NAA11: variants seen among roughly 807,000 people sequenced by gnomAD.
The protein encoded by NAA11 is N-alpha-acetyltransferase 11, NatA catalytic subunit, also known as N-alpha-acetyltransferase 11.
A neutral mutation model predicts 16.1 loss-of-function variants in NAA11; 15 were observed. The ratio of observed to expected loss-of-function variants is 0.93; its 90% confidence interval spans 0.62 to 1.44. The LOEUF is 1.44. Among genes scored for constraint, NAA11 ranks in the 40% most tolerant of loss-of-function variants. The probability of loss-of-function intolerance (pLI) is 0.00; values close to 1 mark genes in which losing one functional copy is unlikely to be tolerated. For missense variants in NAA11, 298 were observed against 291.3 expected, an observed-to-expected ratio of 1.02 and a Z score of -0.17; for synonymous variants, 122 against 112.4, an observed-to-expected ratio of 1.09 and a Z score of -0.54.
At position 79,325,355 on chromosome 4, in the gene NAA11, T is replaced by A; in HGVS notation, c.523A>T (p.Arg175Trp). 1 of 1,614,012 alleles carries A rather than the reference T, an allele frequency of 6.2e-7. No homozygotes were observed. The highest frequency in any genetic ancestry group is 8.5e-7 in the Non-Finnish European group (1 of 1,179,894). The change falls in exon 1 of 2, where the codon AGG (arginine) becomes TGG (tryptophan). Residue 175 changes from arginine to tryptophan, a missense_variant. Arg to Trp is a moderately radical substitution (Grantham distance 101, BLOSUM62 -3). Transcript: ENST00000286794. The part of the protein sequence containing the change: ...KKGGYVVLGS[R>W]ENQETQGSTL... ...CTGCCCTGGGTCTCCTGGTTCTCCC[T>A]GGAGCCCAGGACCACATACCCGCCC...
chr4:79,186,197 A>G, the NAA11 span, among the ~76,000 whole-genome samples: 1 of 152,198 alleles, frequency 6.6e-6, no homozygotes, highest in East Asian at 1.9e-4. Context: ...CCTCCCGAAT[A>G]TACTGAAATT....
Position 79,317,100 on chromosome 4 carries a change from C to T in NAA11, c.*704G>A, listed in dbSNP as rs1723948615. On this transcript the variant is annotated 3_prime_UTR_variant, in exon 2 of 2. Coordinates refer to ENST00000286794, the MANE Select transcript of NAA11 (RefSeq NM_032693.3). ...GCCAAGTGACATAATCACAAAAAAA[C>T]TAACACAAACAAGCACATTAGAGAT... 1 of 152,156 alleles carries T rather than the reference C, an allele frequency of 6.6e-6. No individual in the cohort carries two copies. The highest frequency in any genetic ancestry group is 2.1e-4 in the South Asian group (1 of 4,836). 9.4% of individuals were successfully genotyped at this position (152,156 alleles called of 1,614,324 possible). A position where few individuals can be genotyped will look rare whatever the true frequency, so the allele number is the denominator to read the frequency against.
At position 79,296,923 on chromosome 4, in the gene NAA11, C is replaced by T. The variant is rs149576411; in HGVS notation, c.*13-2809G>A. On this transcript the variant is annotated intron_variant and NMD_transcript_variant, in intron 1 of 2. Coordinates refer to the NAA11 transcript ENST00000511542. ...TCTTCAATGCTTAAATTAATGGCAGCGGCAGACCATCCAGAGCAGCTGCTG... is the reference window on the plus strand; with the variant it reads ...TCTTCAATGCTTAAATTAATGGCAGTGGCAGACCATCCAGAGCAGCTGCTG... Among the ~76,000 whole-genome samples the T allele has an allele frequency of 3.9e-4, 59 of 152,304 alleles. 1 individual carries two copies. In the East Asian group the frequency reaches 7.9e-3, roughly 20 times the overall value.
At chr4:79,256,909 G>T (rs1433815591) in intron 2 of NAA11, among the ~76,000 whole-genome samples, 2 of 151,766 alleles carry the variant, frequency 1.3e-5, no homozygotes, top group African/African-American at 4.8e-5. Flanking sequence ...TAAGTGCTGG[G>T]ATTACAGACA....
the NAA11 span, among the ~76,000 whole-genome samples, chr4:79,209,011 T>C: frequency 6.6e-6 from 1 of 151,422 alleles, no homozygotes; most frequent in Non-Finnish European, 1.5e-5. Context: ...ATAATTTTTT[T>C]CTAATAATAA....
intron 1 of NAA11, among the ~76,000 whole-genome samples, chr4:79,295,973 A>C (rs1035656119): frequency 6.6e-6 from 1 of 152,170 alleles, no homozygotes; most frequent in African/African-American, 2.4e-5. Context: ...GTTTATATTC[A>C]TTCTTGAGCT....
chr4:79,182,841 AATC>A, the NAA11 span, among the ~76,000 whole-genome samples: 1 of 152,102 alleles, frequency 6.6e-6, no homozygotes, highest in African/African-American at 2.4e-5. Flanking sequence ...CCTATACTAT[AATC>A]ATTTTATTCA....
downstream of NAA11, among the ~76,000 whole-genome samples, chr4:79,221,190 T>C (rs1005183294): frequency 9.2e-5 from 14 of 151,808 alleles, no homozygotes; most frequent in African/African-American, 3.4e-4. Flanking sequence ...GTTGTTAGTG[T>C]ATAAGAATGC....
chr4:79,284,878 CAAAAAAAAAAAA>C (rs558413914), intron 2 of NAA11, among the ~76,000 whole-genome samples: 1 of 5,146 alleles, frequency 1.9e-4, no homozygotes, highest in Non-Finnish European at 3.5e-4. Flanking sequence ...GACTCCGTCT[CAAAAAAAAAAAA>C]AAAAAAAAAA....
the NAA11 span, among the ~76,000 whole-genome samples, chr4:79,167,132 T>TATATATATATATATATATATATA: frequency 5.8e-5 from 1 of 17,298 alleles, no homozygotes; most frequent in Non-Finnish European, 1.4e-4. Flanking sequence ...ACAGCTTATT[T>TATATATATATATATATATATATA]TATATATATA....
chr4:79,320,541 C>T (rs1302120025), intron 1 of NAA11, among the ~76,000 whole-genome samples: 1 of 152,126 alleles, frequency 6.6e-6, no homozygotes, highest in Non-Finnish European at 1.5e-5. Context: ...ACATGATTTC[C>T]TCAACCACAA....
intron 2 of NAA11, among the ~76,000 whole-genome samples, chr4:79,289,514 A>G (rs1409330044): frequency 6.6e-6 from 1 of 152,194 alleles, no homozygotes; most frequent in Non-Finnish European, 1.5e-5. Flanking sequence ...TACATCAATT[A>G]TCTCGTTTTT....
chr4:79,268,510 A>G (rs536948053), intron 2 of NAA11, among the ~76,000 whole-genome samples: 1 of 152,232 alleles, frequency 6.6e-6, no homozygotes, highest in South Asian at 2.1e-4. Context: ...GCAGTTTGTG[A>G]GTAAAGAGTC....
chr4:79,304,997 T>G (rs925592369), intron 1 of NAA11: 1 of 152,230 alleles, frequency 6.6e-6, no homozygotes, highest in Non-Finnish European at 1.5e-5. Context: ...CTACCCACCA[T>G]GTCCCACGTG....
the NAA11 span, among the ~76,000 whole-genome samples, chr4:79,197,144 T>C: frequency 6.6e-6 from 1 of 151,952 alleles, no homozygotes; most frequent in African/African-American, 2.4e-5. Context: ...TTGTGGTAAT[T>C]TGTTACCATA....
At chr4:79,279,686 G>T (rs928316037) in intron 2 of NAA11, among the ~76,000 whole-genome samples, 1 of 152,032 alleles carries the variant, frequency 6.6e-6, no homozygotes, top group Admixed American at 6.6e-5. Flanking sequence ...AGAATATTTT[G>T]GTGAAATGAC....
chr4:79,203,645 T>C, the NAA11 span, among the ~76,000 whole-genome samples: 1 of 151,236 alleles, frequency 6.6e-6, no homozygotes, highest in Non-Finnish European at 1.5e-5. Flanking sequence ...ACACTAACTA[T>C]GGCACCTCTT....
intron 1 of NAA11, among the ~76,000 whole-genome samples, chr4:79,322,626 GA>G (rs1267033086): frequency 6.6e-6 from 1 of 152,050 alleles, no homozygotes; most frequent in East Asian, 1.9e-4. Flanking sequence ...GTCCTTCTAC[GA>G]AGGAATTTGA....
the NAA11 span, among the ~76,000 whole-genome samples, chr4:79,205,863 AG>A: frequency 5.5e-3 from 844 of 152,158 alleles, 6 homozygotes; most frequent in Non-Finnish European, 9.0e-3. Context: ...TTTATTGAAT[AG>A]GGTGTCCTTT....
Sources: allele counts gnomAD v4.1 joint callset (sites outside exome capture counted in the v4.1 genomes callset), GRCh38; gene constraint gnomAD v4.1.1; transcripts MANE v1.5; gene names NCBI Gene and HGNC (gene_info 2026-07-23, HGNC 2026-07-21).